The following AGAP1 variants were observed in gnomAD, a reference collection of about 807,000 sequenced individuals.
AGAP1 encodes the protein ArfGAP with GTPase domain, ankyrin repeat and PH domain 1.
In AGAP1, 29 loss-of-function variants were observed where a neutral mutation model predicts 105.3. That is an observed-to-expected ratio of 0.28 (90% CI 0.21 to 0.38). The LOEUF is 0.38. AGAP1 is among the 10% of genes least tolerant of loss of function. AGAP1 has a pLI of 1.00. For missense variants in AGAP1, 998 were observed against 1,165.1 expected (o/e 0.86, Z 2.09); for synonymous variants, 509 against 485.9 (o/e 1.05, Z -0.63).
chr2:235,777,626 C>A lies in AGAP1; in HGVS notation c.674-20133C>A, dbSNP rs915895309. ...CCCCTCCAATCGCCTTCTCAGAATC[C>A]GACGCTGGTCCTAAGTGCCTTCAGC... On this transcript the variant is annotated intron_variant, in intron 6 of 17. Coordinates refer to ENST00000304032, the MANE Select transcript of AGAP1 (RefSeq NM_001037131.3). This position sits in a 1 kb window ranked among gnomAD's most constrained non-coding sequence, Gnocchi z 5.1. Among the ~76,000 whole-genome samples the A allele has an allele frequency of 2.6e-5, 4 of 152,160 alleles. No individual in the cohort carries two copies. The highest frequency in any genetic ancestry group is 6.5e-5 in the Admixed American group (1 of 15,276).
chr2:235,753,381 G>A lies in AGAP1; in HGVS notation c.673+2893G>A, dbSNP rs1326111713. ...CACAGGAGATTTCCGTTCCAGTTTC[G>A]TATTATAGAAATAATACACTCTCAT... On this transcript the variant is annotated intron_variant, in intron 6 of 17. Coordinates refer to ENST00000304032, the MANE Select transcript of AGAP1 (RefSeq NM_001037131.3). This position sits in a 1 kb window ranked among gnomAD's most constrained non-coding sequence, Gnocchi z 4.5. Among the ~76,000 whole-genome samples, 3 of 152,060 alleles carry A rather than the reference G, an allele frequency of 2.0e-5. No homozygotes were observed. Among genetic ancestry groups the A allele is most frequent in the African/African-American group, 2.4e-5 (1 of 41,390 alleles).
Position 235,660,150 on chromosome 2 carries a change from CAG to C in AGAP1, c.164-49028_164-49027del, listed in dbSNP as rs1018790167. Among the ~76,000 whole-genome samples the C allele has an allele frequency of 7.2e-5, 11 of 152,278 alleles. No homozygotes were observed. The highest frequency in any genetic ancestry group is 3.3e-4 in the Admixed American group (5 of 15,306). On this transcript the variant is annotated intron_variant, in intron 1 of 17. Transcript: ENST00000304032. This position sits in a 1 kb window ranked among gnomAD's most constrained non-coding sequence, Gnocchi z 5.3. ...CAAGGGAGGGAGGGACAGGCTTTCT[CAG>C]GGGGGCGGCCACCCAAGATCAGCTG...
In AGAP1 at chr2:235,734,971, A is replaced by C. The variant is rs62189247; in HGVS notation, c.311-5992A>C. On this transcript the variant is annotated intron_variant, in intron 3 of 17. Transcript: ENST00000304032. The surrounding 1 kb of genome is among the most constrained non-coding windows in gnomAD (Gnocchi z 5.3). ...GATGTTTGCGTCATAAGATGGGGTGAGGGCTAACGGAGATGATGTGGGAAA... is the reference window on the plus strand; with the variant it reads ...GATGTTTGCGTCATAAGATGGGGTGCGGGCTAACGGAGATGATGTGGGAAA... 0.12 allele frequency among the ~76,000 whole-genome samples: 10,797 copies of C among 92,506 alleles called. 135 individuals are homozygous for C. The highest frequency in any genetic ancestry group is 0.17 in the Non-Finnish European group (6,472 of 38,228). 60.7% of individuals were successfully genotyped at this position (92,506 alleles called of 152,430 possible).
intron 1 of AGAP1, among the ~76,000 whole-genome samples, chr2:235,572,698 C>G (rs1376305566): frequency 6.6e-6 from 1 of 152,218 alleles, no homozygotes; most frequent in African/African-American, 2.4e-5. Flanking sequence ...AGTCACCCCT[C>G]CATTTGGAAT....
At chr2:235,868,346 T>G (rs1376465033) in intron 9 of AGAP1, among the ~76,000 whole-genome samples, 1 of 152,200 alleles carries the variant, frequency 6.6e-6, no homozygotes, top group Non-Finnish European at 1.5e-5. Flanking sequence ...AAATCACACG[T>G]GCACCGTCCT....
rs142302857 is a variant in AGAP1 at position 235,720,746 on chromosome 2, G to A, written c.310+3102G>A. ...ATCCTTTATGTCATAATCCTGACCC[G>A]TGGCTGGGATATGTAGACTGCTGGG... On this transcript the variant is annotated intron_variant, in intron 3 of 17. Coordinates refer to ENST00000304032, the MANE Select transcript of AGAP1 (RefSeq NM_001037131.3). This position sits in a 1 kb window ranked among gnomAD's most constrained non-coding sequence, Gnocchi z 5.0. 1.0e-3 allele frequency: 1,014 copies of A among 980,472 alleles called. 6 individuals are homozygous for A. In the African/African-American group the frequency reaches 0.016, roughly 15 times the overall value. 60.7% of individuals were successfully genotyped at this position (980,472 alleles called of 1,614,324 possible).
At position 236,125,603 on chromosome 2, in the gene AGAP1, G is replaced by C. The variant is rs2059990602; in HGVS notation, c.*1481G>C. ...GGACCAAGGGACTCTGGCAAGATGG[G>C]GTGGTTTTCCGAATGCCAGACCGAG... On this transcript the variant is annotated 3_prime_UTR_variant, in exon 18 of 18. Transcript: ENST00000304032. This position sits in a 1 kb window ranked among gnomAD's most constrained non-coding sequence, Gnocchi z 5.2. 1 of 152,192 alleles carries C rather than the reference G, an allele frequency of 6.6e-6. No homozygotes were observed. Among genetic ancestry groups the C allele is most frequent in the South Asian group, 2.1e-4 (1 of 4,828 alleles). 9.4% of individuals were successfully genotyped at this position (152,192 alleles called of 1,614,324 possible).
At position 235,525,610 on chromosome 2, in the gene AGAP1, G is replaced by A. The variant is rs529929851; in HGVS notation, c.163+30761G>A. ...TAGAGGACTGACACATAATGTGGAG[G>A]ACTGATTTATAAAGTAGAGGACTGA... On this transcript the variant is annotated intron_variant, in intron 1 of 17. Transcript: ENST00000304032. Among the ~76,000 whole-genome samples the A allele has an allele frequency of 1.2e-3, 178 of 150,286 alleles. 1 individual carries two copies. The highest frequency in any genetic ancestry group is 4.1e-3 in the African/African-American group (168 of 40,832).
At chr2:235,520,379 C>T (rs762560137) in intron 1 of AGAP1, among the ~76,000 whole-genome samples, 4 of 152,022 alleles carry the variant, frequency 2.6e-5, no homozygotes, top group Non-Finnish European at 5.9e-5. Flanking sequence ...GTTCCATGAC[C>T]GTCTTTCTCT....
rs542642097 is a variant in AGAP1, at chr2:236,084,230, G to C, written c.2114+34949G>C. On this transcript the variant is annotated intron_variant, in intron 16 of 17. Transcript: ENST00000304032. ...TTGTGCCTTCCTGAAGGGCGGGGGG[G>C]GGTCTCTGCGGCCACCTTAAACTTA... Among the ~76,000 whole-genome samples the C allele has an allele frequency of 1.5e-4, 23 of 151,092 alleles. No individual in the cohort carries two copies. In the East Asian group the frequency reaches 3.9e-3, roughly 25 times the overall value.
intron 1 of AGAP1, among the ~76,000 whole-genome samples, chr2:235,674,200 C>G (rs1057159465): frequency 6.6e-6 from 1 of 152,180 alleles, no homozygotes; most frequent in Admixed American, 6.5e-5. Flanking sequence ...CAGGGCTGCT[C>G]CCTCTGTGTA....
chr2:236,092,601 C>A lies in AGAP1; in HGVS notation c.2115-27591C>A, dbSNP rs1172244136. 6.6e-6 allele frequency among the ~76,000 whole-genome samples: 1 copy of A among 152,132 alleles called. No individual in the cohort carries two copies. Among genetic ancestry groups the A allele is most frequent in the African/African-American group, 2.4e-5 (1 of 41,440 alleles). ...TAGAGACGGGGTTTCACCGTGTTAG[C>A]CAGGATGGTCTCGATCTCCTGACCT... On this transcript the variant is annotated intron_variant, in intron 16 of 17. Coordinates refer to ENST00000304032, the MANE Select transcript of AGAP1 (RefSeq NM_001037131.3). The surrounding 1 kb of genome is among the most constrained non-coding windows in gnomAD (Gnocchi z 4.7).
rs759409736 is a variant in AGAP1, at chr2:235,797,798, T to C, written c.713T>C (p.Leu238Pro). 2 of 1,614,228 alleles carry C rather than the reference T, an allele frequency of 1.2e-6. No individual in the cohort carries two copies. Among genetic ancestry groups the C allele is most frequent in the East Asian group, 2.2e-5 (1 of 44,888 alleles). The change falls in exon 7 of 18, where the codon CTG (leucine) becomes CCG (proline). Residue 238 changes from leucine to proline, a missense_variant. By Grantham distance (98) the Leu-to-Pro change is moderately conservative (BLOSUM62 -3). Transcript: ENST00000304032. ...GTTGCCACAAGGAAGAAGCAGCAGCTGTCCATAGGACCCTGCAAGTCGCTA... is the reference window on the plus strand; with the variant it reads ...GTTGCCACAAGGAAGAAGCAGCAGCCGTCCATAGGACCCTGCAAGTCGCTA... ...KIVATRKKQQLSIGPCKSLPN... is the reference protein window; with the variant it reads ...KIVATRKKQQPSIGPCKSLPN...
Position 235,891,178 on chromosome 2 carries a change from C to G in AGAP1, c.1155+7729C>G, listed in dbSNP as rs1216358328. 6.6e-6 allele frequency among the ~76,000 whole-genome samples: 1 copy of G among 152,168 alleles called. No individual in the cohort carries two copies. Among genetic ancestry groups the G allele is most frequent in the African/African-American group, 2.4e-5 (1 of 41,446 alleles). ...GCAATCTGGGACCTGGCCGCACTTGCTGCAGTACTGACCGCCCTAACAGCT... is the reference window on the plus strand; with the variant it reads ...GCAATCTGGGACCTGGCCGCACTTGGTGCAGTACTGACCGCCCTAACAGCT... On this transcript the variant is annotated intron_variant, in intron 10 of 17. Coordinates refer to ENST00000304032, the MANE Select transcript of AGAP1 (RefSeq NM_001037131.3). This position sits in a 1 kb window ranked among gnomAD's most constrained non-coding sequence, Gnocchi z 4.2.
At chr2:235,628,848 G>C (rs1268594189) in intron 1 of AGAP1, among the ~76,000 whole-genome samples, 1 of 151,722 alleles carries the variant, frequency 6.6e-6, no homozygotes, top group East Asian at 1.9e-4. Context: ...TTTTGACTCC[G>C]TTACCCAGGC....
In AGAP1 at chr2:235,799,718, A is replaced by G. The variant is rs965328894; in HGVS notation, c.957+196A>G. 2.6e-5 allele frequency among the ~76,000 whole-genome samples: 4 copies of G among 152,200 alleles called. No individual in the cohort carries two copies. The highest frequency in any genetic ancestry group is 7.2e-5 in the African/African-American group (3 of 41,458). ...TGTTGAGTAGAATGGGAATTTCTTC[A>G]TGTAGACATTCCTGACTTCGTGTGT... On this transcript the variant is annotated intron_variant, in intron 8 of 17. Transcript: ENST00000304032. The surrounding 1 kb of genome is among the most constrained non-coding windows in gnomAD (Gnocchi z 5.0).
intron 9 of AGAP1, among the ~76,000 whole-genome samples, chr2:235,807,831 A>G (rs1957919340): frequency 6.6e-6 from 1 of 152,196 alleles, no homozygotes; most frequent in Admixed American, 6.5e-5. Flanking sequence ...GTAATTTGCT[A>G]ATGAAGGAAT....
Position 235,960,226 on chromosome 2 carries a change from C to T in AGAP1, c.1484-8236C>T, listed in dbSNP as rs1290576701. ...ACAGGTGCTTTGCACACGTCAGTTA[C>T]TCGAGTCATAGCCTCCTGAGGACGA... is the stretch of plus-strand genomic sequence containing the variant. On this transcript the variant is annotated intron_variant, in intron 12 of 17. Transcript: ENST00000304032. This position sits in a 1 kb window ranked among gnomAD's most constrained non-coding sequence, Gnocchi z 4.9. Among the ~76,000 whole-genome samples the T allele has an allele frequency of 6.6e-6, 1 of 152,210 alleles. No homozygotes were observed. The highest frequency in any genetic ancestry group is 1.5e-5 in the Non-Finnish European group (1 of 68,040).
At chr2:235,667,427 C>A (rs1469167228) in intron 1 of AGAP1, among the ~76,000 whole-genome samples, 2 of 151,928 alleles carry the variant, frequency 1.3e-5, no homozygotes, top group Non-Finnish European at 2.9e-5. Context: ...TTGTTATCAA[C>A]AAAGCAGAAT....
Sources: gnomAD v4.1 joint callset for allele counts (sites outside exome capture counted in the v4.1 genomes callset) on GRCh38, gnomAD v4.1.1 for gene constraint, Gnocchi (gnomAD v3.1) non-coding constraint, MANE v1.5 for transcripts, NCBI Gene and HGNC (gene_info 2026-07-23, HGNC 2026-07-21) for gene names.